Variants in PSME4 observed in about 807,000 individuals in gnomAD.
PSME4 encodes the protein proteasome activator complex subunit 4.
Under a neutral mutation model 253.9 loss-of-function variants are expected in PSME4, and 89 were observed. The observed-to-expected ratio is 0.35, with a 90% CI of 0.30 to 0.42. The LOEUF is 0.42. PSME4 is among the 10% of genes least tolerant of loss of function. The probability of loss-of-function intolerance (pLI) is 1.00; values close to 1 mark genes in which losing one functional copy is unlikely to be tolerated. For missense variants in PSME4, 2,014 were observed against 2,195.2 expected, an observed-to-expected ratio of 0.92 and a Z score of 1.65; for synonymous variants, 851 against 759.2, an observed-to-expected ratio of 1.12 and a Z score of -1.99.
In PSME4 at chr2:53,887,902, G is replaced by C; in HGVS notation, c.4476C>G (p.Pro1492=). 6.2e-7 allele frequency: 1 copy of C among 1,604,998 alleles called. No homozygotes were observed. The highest frequency in any genetic ancestry group is 8.5e-7 in the Non-Finnish European group (1 of 1,171,940). The change falls in exon 39 of 47, where the codon CCC becomes CCG. Residue 1492 remains proline (P), a synonymous_variant. Coordinates refer to ENST00000404125, the MANE Select transcript of PSME4 (RefSeq NM_014614.3). ...CATTTTTGTAAACCTGGGTGAGTTT[G>C]GGTTCCAAGTACTTCAGTAGTCTGT... ...LLHRLLKYLE[P]KLTQVYKNVR...
In PSME4 at chr2:53,964,650, TA is replaced by T. The variant is rs1199686914; in HGVS notation, c.242+5892del. On this transcript the variant is annotated intron_variant, in intron 1 of 46. Coordinates refer to ENST00000404125, the MANE Select transcript of PSME4 (RefSeq NM_014614.3). Reference sequence around the variant, plus strand: ...TCAATACTCAAACATTAGATACTCTTAGGTGCCTCATACCAGACAATGCAGA... The same window carrying T: ...TCAATACTCAAACATTAGATACTCTTGGTGCCTCATACCAGACAATGCAGA... Among the ~76,000 whole-genome samples the T allele has an allele frequency of 2.0e-5, 3 of 152,248 alleles. No individual in the cohort carries two copies. In the East Asian group the frequency reaches 5.8e-4, roughly 29 times the overall value.
At chr2:53,908,633 T>C (rs772930991) in intron 22 of PSME4, 68 bp from the exon 23 acceptor site, 17 of 1,509,534 alleles carry the variant, frequency 1.1e-5, no homozygotes, top group Non-Finnish European at 1.5e-5. Context: ...CTTGAGGCAT[T>C]AGTCAAGAAT....
intron 20 of PSME4, among the ~76,000 whole-genome samples, chr2:53,911,915 CA>C (rs1667844539): frequency 6.6e-6 from 1 of 152,046 alleles, no homozygotes; most frequent in African/African-American, 2.4e-5. Context: ...GTCCTGACAC[CA>C]AATTTCTTAA....
Position 53,953,113 on chromosome 2 carries a change from C to T in PSME4, c.243-3830G>A, listed in dbSNP as rs201327330. On this transcript the variant is annotated intron_variant, in intron 1 of 46. Transcript: ENST00000404125. ...GGGACTCCTCAGAAAGCTTCTATTT[C>T]CCCCAGTTCCTCGCCAACCAGCAAG... is the stretch of plus-strand genomic sequence containing the variant. 8.5e-5 allele frequency among the ~76,000 whole-genome samples: 13 copies of T among 152,264 alleles called. No homozygotes were observed. In the East Asian group the frequency reaches 2.3e-3, roughly 27 times the overall value.
chr2:53,921,114 G>T lies in PSME4; in HGVS notation c.2047-10C>A, dbSNP rs201040744. 22 of 1,609,648 alleles carry T rather than the reference G, an allele frequency of 1.4e-5. No homozygotes were observed. Among genetic ancestry groups the T allele is most frequent in the Non-Finnish European group, 1.8e-5 (21 of 1,178,968 alleles). On this transcript the variant is annotated splice_polypyrimidine_tract_variant and intron_variant, in intron 17 of 46. Coordinates refer to ENST00000404125, the MANE Select transcript of PSME4 (RefSeq NM_014614.3). ...CATCCACTCGAGTAATCTAAAAGGA[G>T]GGAAAAAATAGTTGAAGATATTTTG... is the stretch of plus-strand genomic sequence containing the variant.
At chr2:53,931,524 A>G (rs965659507) in intron 10 of PSME4, among the ~76,000 whole-genome samples, 8 of 152,218 alleles carry the variant, frequency 5.3e-5, no homozygotes, top group Non-Finnish European at 1.0e-4. Context: ...CATATTCTCA[A>G]TCCTTAGTGA....
chr2:53,917,061 G>T (rs1359424893), intron 20 of PSME4, among the ~76,000 whole-genome samples: 1 of 76,464 alleles, frequency 1.3e-5, no homozygotes, highest in Non-Finnish European at 3.1e-5. Context: ...ATATTATTAA[G>T]TATCAGGAAG....
chr2:53,958,372 C>A (rs28530785), intron 1 of PSME4, among the ~76,000 whole-genome samples: 1 of 151,186 alleles, frequency 6.6e-6, no homozygotes, highest in Non-Finnish European at 1.5e-5. Flanking sequence ...AACAAAAAAA[C>A]AAAAAAACAA....
intron 17 of PSME4, 119 bp from the exon 18 acceptor site, chr2:53,921,223 T>C: frequency 7.0e-7 from 1 of 1,437,822 alleles, no homozygotes; most frequent in Non-Finnish European, 9.3e-7. Context: ...CTTTAATTAA[T>C]TTTAGGATTG....
At position 53,901,337 on chromosome 2, in the gene PSME4, T is replaced by C. The variant is rs1308788752; in HGVS notation, c.3285+13A>G. ...TTACACTAAAACTTGAATGAAAGAA[T>C]GATATTGCTTACTGTGAAGTCCAAG... On this transcript the variant is annotated intron_variant, in intron 28 of 46. Coordinates refer to ENST00000404125, the MANE Select transcript of PSME4 (RefSeq NM_014614.3). The C allele has an allele frequency of 2.5e-6, 4 of 1,591,238 alleles. No homozygotes were observed. Among genetic ancestry groups the C allele is most frequent in the Non-Finnish European group, 3.4e-6 (4 of 1,159,472 alleles).
intron 20 of PSME4, among the ~76,000 whole-genome samples, chr2:53,915,222 C>T (rs1165778619): frequency 6.6e-6 from 1 of 152,078 alleles, no homozygotes; most frequent in Non-Finnish European, 1.5e-5. Flanking sequence ...AGGCAGATCG[C>T]CTGAGCTCGG....
At chr2:53,875,837 T>C (rs1462949935) in intron 41 of PSME4, 82 bp from the exon 42 acceptor site, 4 of 1,298,694 alleles carry the variant, frequency 3.1e-6, no homozygotes, top group East Asian at 2.5e-5. Context: ...AGACAACACA[T>C]CTTTAATTTA....
At chr2:53,890,833 A>G (rs1679871892) in intron 36 of PSME4, among the ~76,000 whole-genome samples, 1 of 152,092 alleles carries the variant, frequency 6.6e-6, no homozygotes, top group Non-Finnish European at 1.5e-5. Flanking sequence ...TTCAAGATCA[A>G]GCTGGTCACA....
chr2:53,866,937 TAC>T (rs1678594376), intron 44 of PSME4, 57 bp from the exon 45 acceptor site: 4 of 1,492,418 alleles, frequency 2.7e-6, no homozygotes, highest in African/African-American at 2.8e-5. Flanking sequence ...ATGCACTTGT[TAC>T]AGTGAGATAA....
chr2:53,955,068 G>C (rs1386325006), intron 1 of PSME4, among the ~76,000 whole-genome samples: 1 of 152,040 alleles, frequency 6.6e-6, no homozygotes, highest in Non-Finnish European at 1.5e-5. Flanking sequence ...CTACTTGGGA[G>C]GCTGAAACAC....
chr2:53,915,537 C>T (rs1266930130), intron 20 of PSME4, among the ~76,000 whole-genome samples: 1 of 150,974 alleles, frequency 6.6e-6, no homozygotes, highest in East Asian at 1.9e-4. Context: ...CCAGTCTGGG[C>T]AACATAGTGA....
intron 1 of PSME4, 121 bp downstream of exon 1, chr2:53,970,422 G>C: frequency 6.8e-7 from 1 of 1,479,090 alleles, no homozygotes; most frequent in Non-Finnish European, 9.0e-7. Context: ...ATCACCGCTC[G>C]GGGACAGCTC....
At chr2:53,953,607 T>C (rs957464504) in intron 1 of PSME4, among the ~76,000 whole-genome samples, 4 of 151,736 alleles carry the variant, frequency 2.6e-5, no homozygotes, top group African/African-American at 4.8e-5. Flanking sequence ...TTGTCTTTTT[T>C]TTTTTTTAAG....
At chr2:53,965,294 C>T (rs1200959510) in intron 1 of PSME4, among the ~76,000 whole-genome samples, 1 of 150,822 alleles carries the variant, frequency 6.6e-6, no homozygotes, top group Non-Finnish European at 1.5e-5. Context: ...TGTCGCCTAG[C>T]CTGGAGTGCA....
Sources: gnomAD v4.1 joint callset for allele counts (sites outside exome capture counted in the v4.1 genomes callset) on GRCh38, gnomAD v4.1.1 for gene constraint, MANE v1.5 for transcripts, NCBI Gene and HGNC (gene_info 2026-07-23, HGNC 2026-07-21) for gene names.